Variants in POPDC1 observed in about 807,000 individuals in gnomAD.
POPDC1 encodes popeye domain cAMP effector 1, also known as popeye domain-containing protein 1.
the POPDC1 span, among the ~76,000 whole-genome samples, chr6:105,133,059 G>T: frequency 6.6e-6 from 1 of 152,152 alleles, no homozygotes; most frequent in Non-Finnish European, 1.5e-5. Context: ...ACCAGGATTT[G>T]AATCACACAA....
At chr6:105,131,972 T>A in the POPDC1 span, among the ~76,000 whole-genome samples, 71 of 151,414 alleles carry the variant, frequency 4.7e-4, no homozygotes, top group South Asian at 8.4e-4. Context: ...ATCACTTTTT[T>A]TTTTTTTTTT....
At chr6:105,123,715 A>C in the POPDC1 span, among the ~76,000 whole-genome samples, 1 of 152,246 alleles carries the variant, frequency 6.6e-6, no homozygotes, top group Admixed American at 6.5e-5. Flanking sequence ...TTAACACAAA[A>C]GGAATCACAC....
chr6:105,105,977 C>T, the POPDC1 span, among the ~76,000 whole-genome samples: 2 of 152,112 alleles, frequency 1.3e-5, no homozygotes, highest in Admixed American at 6.5e-5. Flanking sequence ...CCATAAATTT[C>T]CCAGAAAATT....
the POPDC1 span, among the ~76,000 whole-genome samples, chr6:105,123,110 A>G: frequency 6.6e-6 from 1 of 152,204 alleles, no homozygotes; most frequent in Non-Finnish European, 1.5e-5. Flanking sequence ...CTCTAAAATA[A>G]GATTCTGTCA....
the POPDC1 span, chr6:105,098,002 A>T: frequency 6.6e-6 from 1 of 152,196 alleles, no homozygotes; most frequent in African/African-American, 2.4e-5. Flanking sequence ...TTCTAATATA[A>T]ATATTACACT....
At chr6:105,110,718 C>T in the POPDC1 span, among the ~76,000 whole-genome samples, 1 of 152,018 alleles carries the variant, frequency 6.6e-6, no homozygotes, top group Non-Finnish European at 1.5e-5. Flanking sequence ...GGGTCTCACG[C>T]TTTCACCCAG....
chr6:105,101,715 G>A, the POPDC1 span, among the ~76,000 whole-genome samples: 17 of 152,066 alleles, frequency 1.1e-4, no homozygotes, highest in Admixed American at 5.2e-4. Flanking sequence ...GGGCTTACAC[G>A]CAAAGGAGAC....
At chr6:105,101,319 C>A in the POPDC1 span, 144 of 1,198,970 alleles carry the variant, frequency 1.2e-4, no homozygotes, top group Non-Finnish European at 1.5e-4. Context: ...CTGTAGGAAT[C>A]TATCACTAGC....
At chr6:105,105,728 G>C in the POPDC1 span, among the ~76,000 whole-genome samples, 1 of 90,590 alleles carries the variant, frequency 1.1e-5, no homozygotes, top group Non-Finnish European at 2.9e-5. Flanking sequence ...CTACAGGTTT[G>C]CCTGGTTTTT....
chr6:105,127,716 A>G, the POPDC1 span, among the ~76,000 whole-genome samples: 4 of 151,794 alleles, frequency 2.6e-5, no homozygotes, highest in Admixed American at 2.6e-4. Flanking sequence ...GATTACAGGC[A>G]TGAGCTATGG....
the POPDC1 span, among the ~76,000 whole-genome samples, chr6:105,117,272 A>T: frequency 6.6e-6 from 1 of 152,164 alleles, no homozygotes; most frequent in South Asian, 2.1e-4. Context: ...ATGAACTAAG[A>T]TTCATGAGGC....
the POPDC1 span, among the ~76,000 whole-genome samples, chr6:105,114,891 C>G: frequency 2.0e-5 from 3 of 152,212 alleles, no homozygotes; most frequent in African/African-American, 7.2e-5. Flanking sequence ...TTTTAACTCA[C>G]GGCACTCATA....
chr6:105,125,408 A>C, the POPDC1 span: 1 of 1,614,198 alleles, frequency 6.2e-7, no homozygotes, highest in Non-Finnish European at 8.5e-7. Flanking sequence ...TCAAGAGAAT[A>C]CTCAGACGGT....
the POPDC1 span, among the ~76,000 whole-genome samples, chr6:105,108,581 C>T: frequency 1.3e-5 from 2 of 152,132 alleles, no homozygotes; most frequent in Non-Finnish European, 2.9e-5. Flanking sequence ...TGTCCCACAA[C>T]AGCAAGGCAA....
At chr6:105,124,589 A>G in the POPDC1 span, 1 of 1,612,816 alleles carries the variant, frequency 6.2e-7, no homozygotes. Context: ...ATCTAAATTC[A>G]GGAGAATCTA....
the POPDC1 span, chr6:105,116,911 T>C: frequency 1.3e-6 from 2 of 1,557,026 alleles, no homozygotes; most frequent in East Asian, 2.3e-5. Context: ...TACATCTATG[T>C]ATATGAATTA....
At chr6:105,124,486 T>C in the POPDC1 span, 1 of 1,204,756 alleles carries the variant, frequency 8.3e-7, no homozygotes, top group Non-Finnish European at 1.2e-6. Flanking sequence ...TTAATATCCT[T>C]TGGATTCTGA....
At chr6:105,104,740 A>G in the POPDC1 span, among the ~76,000 whole-genome samples, 1 of 152,186 alleles carries the variant, frequency 6.6e-6, no homozygotes, top group Non-Finnish European at 1.5e-5. Flanking sequence ...GTTCTCTCAA[A>G]GGAATATCAA....
chr6:105,126,939 C>T, the POPDC1 span, among the ~76,000 whole-genome samples: 1 of 152,194 alleles, frequency 6.6e-6, no homozygotes, highest in Non-Finnish European at 1.5e-5. Flanking sequence ...AGGCTGGCTA[C>T]TGGAGGAAGA....
Sources: allele counts gnomAD v4.1 joint callset (sites outside exome capture counted in the v4.1 genomes callset), GRCh38; gene constraint gnomAD v4.1.1; transcripts MANE v1.5; gene names NCBI Gene and HGNC (gene_info 2026-07-23, HGNC 2026-07-21).